RAB38: variants seen among roughly 807,000 people sequenced by gnomAD.
RAB38 encodes the protein ras-related protein Rab-38.
Under a neutral mutation model 18.4 loss-of-function variants are expected in RAB38, and 15 were observed. The observed-to-expected ratio is 0.82, with a 90% CI of 0.55 to 1.26. The LOEUF (loss-of-function observed/expected upper bound fraction) is 1.26, where lower values mean the gene tolerates loss of function less well. Among genes scored for constraint, RAB38 ranks in the 50% most tolerant of loss-of-function variants. RAB38 has a pLI of 0.00. For synonymous variants in RAB38, 101 were observed against 104.4 expected (o/e 0.97, Z 0.20); for missense variants, 294 against 267.4 (o/e 1.10, Z -0.69).
chr11:88,034,230 G>C, the RAB38 span, among the ~76,000 whole-genome samples: 1 of 152,096 alleles, frequency 6.6e-6, no homozygotes, highest in Non-Finnish European at 1.5e-5. Flanking sequence ...TGGTAAGAAT[G>C]TATCACTGTC....
chr11:87,854,184 A>G, the RAB38 span, among the ~76,000 whole-genome samples: 3 of 152,144 alleles, frequency 2.0e-5, no homozygotes, highest in African/African-American at 4.8e-5. Context: ...CATAGGTTCT[A>G]TGAGTAGGGC....
the RAB38 span, among the ~76,000 whole-genome samples, chr11:88,019,710 C>T: frequency 6.6e-6 from 1 of 152,138 alleles, no homozygotes; most frequent in Non-Finnish European, 1.5e-5. Flanking sequence ...ACTTCAGTCT[C>T]TTTATGTTAC....
the RAB38 span, among the ~76,000 whole-genome samples, chr11:87,938,096 C>G: frequency 6.6e-6 from 1 of 152,076 alleles, no homozygotes; most frequent in Non-Finnish European, 1.5e-5. Flanking sequence ...CTCGCTTTCT[C>G]TGTCATCTTG....
the RAB38 span, among the ~76,000 whole-genome samples, chr11:88,011,964 G>T: frequency 6.6e-6 from 1 of 152,162 alleles, no homozygotes; most frequent in South Asian, 2.1e-4. Flanking sequence ...CCAGATTAAA[G>T]CTACCATGGG....
chr11:88,118,917 G>T (rs562765398), intron 2 of RAB38, among the ~76,000 whole-genome samples: 1 of 152,166 alleles, frequency 6.6e-6, no homozygotes, highest in African/African-American at 2.4e-5. Flanking sequence ...AGAGGTAATG[G>T]TCATATTTTA....
the RAB38 span, among the ~76,000 whole-genome samples, chr11:87,855,614 AAT>A: frequency 6.6e-6 from 1 of 152,196 alleles, no homozygotes; most frequent in Non-Finnish European, 1.5e-5. Flanking sequence ...CTTTGCAAAT[AAT>A]GTTTCATAAT....
intron 2 of RAB38, among the ~76,000 whole-genome samples, chr11:88,140,825 G>T (rs914995109): frequency 1.3e-5 from 2 of 152,172 alleles, no homozygotes; most frequent in African/African-American, 2.4e-5. Context: ...AAGAATGTGT[G>T]ACCTGGTTAT....
chr11:87,950,568 T>C, the RAB38 span, among the ~76,000 whole-genome samples: 1 of 152,228 alleles, frequency 6.6e-6, no homozygotes, highest in African/African-American at 2.4e-5. Flanking sequence ...GGAGCTCTTT[T>C]AAGGCAGGCC....
the RAB38 span, among the ~76,000 whole-genome samples, chr11:87,943,426 TC>T: frequency 6.6e-6 from 1 of 152,168 alleles, no homozygotes; most frequent in Admixed American, 6.6e-5. Flanking sequence ...TCTGGTATCA[TC>T]CTCAGGTTAC....
chr11:87,831,862 T>A, the RAB38 span, among the ~76,000 whole-genome samples: 10 of 152,286 alleles, frequency 6.6e-5, no homozygotes, highest in African/African-American at 1.9e-4. Context: ...AATGCTTAGA[T>A]TCAGTGAGGC....
At chr11:88,025,618 GATA>G in the RAB38 span, among the ~76,000 whole-genome samples, 30 of 152,092 alleles carry the variant, frequency 2.0e-4, no homozygotes, top group African/African-American at 6.8e-4. Flanking sequence ...GGATTTTTCT[GATA>G]ATAAGTGATA....
intron 2 of RAB38, among the ~76,000 whole-genome samples, chr11:88,128,919 G>C (rs1942735718): frequency 6.6e-6 from 1 of 152,180 alleles, no homozygotes; most frequent in Non-Finnish European, 1.5e-5. Flanking sequence ...TGCAGCAGGA[G>C]AGGAAGAGGA....
At chr11:88,033,129 A>T in the RAB38 span, among the ~76,000 whole-genome samples, 51 of 152,246 alleles carry the variant, frequency 3.3e-4, no homozygotes, top group African/African-American at 1.2e-3. Context: ...TTGCAAGAAC[A>T]AAAAACCAAA....
chr11:87,879,438 G>GA, the RAB38 span: 1 of 151,390 alleles, frequency 6.6e-6, no homozygotes, highest in Non-Finnish European at 1.5e-5. Flanking sequence ...ACTATGAAAA[G>GA]ACAACAACAA....
chr11:88,094,078 T>A, the RAB38 span, among the ~76,000 whole-genome samples: 4,641 of 151,870 alleles, frequency 0.031, 227 homozygotes, highest in African/African-American at 0.1. Flanking sequence ...ATTTTACACA[T>A]GTTGACAGCT....
the RAB38 span, among the ~76,000 whole-genome samples, chr11:88,014,053 C>G: frequency 6.6e-6 from 1 of 152,126 alleles, no homozygotes; most frequent in Non-Finnish European, 1.5e-5. Context: ...AAGTGCACTA[C>G]TAGGGACAAT....
At chr11:87,911,743 T>C in the RAB38 span, among the ~76,000 whole-genome samples, 1 of 152,018 alleles carries the variant, frequency 6.6e-6, no homozygotes. Flanking sequence ...GCTAGTATCA[T>C]AATTATAGTA....
At chr11:88,050,773 A>G in the RAB38 span, among the ~76,000 whole-genome samples, 2 of 152,202 alleles carry the variant, frequency 1.3e-5, no homozygotes, top group Non-Finnish European at 2.9e-5. Flanking sequence ...CTCACAGAGT[A>G]TAGCTGCAAA....
the RAB38 span, among the ~76,000 whole-genome samples, chr11:87,818,044 T>A: frequency 3.9e-5 from 6 of 152,212 alleles, no homozygotes; most frequent in Non-Finnish European, 8.8e-5. Flanking sequence ...ACAAAATCTT[T>A]TGTCCCATAC....
Sources: allele counts gnomAD v4.1 joint callset (sites outside exome capture counted in the v4.1 genomes callset), GRCh38; gene constraint gnomAD v4.1.1; transcripts MANE v1.5; gene names NCBI Gene and HGNC (gene_info 2026-07-23, HGNC 2026-07-21).